The following OLFML1 variants were observed in gnomAD, a reference collection of about 807,000 sequenced individuals.
OLFML1 encodes the protein olfactomedin like 1.
OLFML1 carries 33 observed loss-of-function variants against 37.3 expected under a neutral mutation model. The observed-to-expected ratio is 0.88, with a 90% CI of 0.67 to 1.18. The LOEUF (loss-of-function observed/expected upper bound fraction) is 1.18, where lower values mean the gene tolerates loss of function less well. Ranked by LOEUF, OLFML1 falls within the 50% of genes most tolerant of loss-of-function variation. OLFML1 has a pLI of 0.00. For missense variants in OLFML1, 545 were observed against 483.7 expected (o/e 1.13, Z -1.19); for synonymous variants, 186 against 181.3 (o/e 1.03, Z -0.21).
At chr11:7,503,388 G>A (rs1220722085) in intron 2 of OLFML1, among the ~76,000 whole-genome samples, 1 of 152,180 alleles carries the variant, frequency 6.6e-6, no homozygotes, top group African/African-American at 2.4e-5. Context: ...GAATCAAGAA[G>A]AGAAAGAGTT....
At chr11:7,487,359 G>A (rs1848536059) in intron 1 of OLFML1, among the ~76,000 whole-genome samples, 1 of 152,176 alleles carries the variant, frequency 6.6e-6, no homozygotes, top group Non-Finnish European at 1.5e-5. Context: ...ATTATTTTGG[G>A]TCTCTCTTTC....
At chr11:7,487,807 A>G (rs1848542379) in intron 1 of OLFML1, among the ~76,000 whole-genome samples, 1 of 152,158 alleles carries the variant, frequency 6.6e-6, no homozygotes, top group Admixed American at 6.6e-5. Flanking sequence ...AAGTTATGGT[A>G]TAGGTATACT....
intron 1 of OLFML1, among the ~76,000 whole-genome samples, chr11:7,487,048 A>G (rs1202256761): frequency 6.6e-6 from 1 of 152,190 alleles, no homozygotes; most frequent in Non-Finnish European, 1.5e-5. Flanking sequence ...TGCATTTAGC[A>G]CCGACTTGCC....
chr11:7,504,462 G>A (rs1170259067), intron 2 of OLFML1, among the ~76,000 whole-genome samples: 1 of 152,036 alleles, frequency 6.6e-6, no homozygotes, highest in Non-Finnish European at 1.5e-5. Context: ...GCAGACACAG[G>A]ACATGATGTG....
In OLFML1 at chr11:7,485,957, G is replaced by C. The variant is rs1197710469; in HGVS notation, c.82G>C (p.Asp28His). The C allele has an allele frequency of 1.9e-6, 3 of 1,614,032 alleles. No homozygotes were observed. Among genetic ancestry groups the C allele is most frequent in the Admixed American group, 3.3e-5 (2 of 60,010 alleles). Residue 28 changes from aspartate to histidine, a missense_variant, in exon 1 of 3, where the codon GAC becomes CAC. Asp to His is a moderately conservative substitution (Grantham distance 81, BLOSUM62 -1). Transcript: ENST00000329293. The stretch of plus-strand genomic sequence containing the variant: ...TCTGCCCCCGCCGCAGTGTACCCAG[G>C]ACCCAGCCATGGTGCATTACATCTA... ...AFLPPPQCTQDPAMVHYIYQR... is the reference protein window; with the variant it reads ...AFLPPPQCTQHPAMVHYIYQR...
intron 2 of OLFML1, among the ~76,000 whole-genome samples, chr11:7,493,708 T>C (rs946168826): frequency 2.0e-4 from 30 of 152,224 alleles, no homozygotes; most frequent in Admixed American, 2.6e-4. Flanking sequence ...ATCTGAAAGG[T>C]CTGTGGGCTA....
At position 7,511,096 on chromosome 11, in the gene OLFML1, G is replaced by A. The variant is rs937402665; in HGVS notation, c.*908G>A. 4 of 152,284 alleles carry A rather than the reference G, an allele frequency of 2.6e-5. No individual in the cohort carries two copies. The highest frequency in any genetic ancestry group is 4.8e-5 in the African/African-American group (2 of 41,552). The allele number at this position is 152,284 out of a possible 1,614,324, so 9.4% of individuals were successfully genotyped here. On this transcript the variant is annotated 3_prime_UTR_variant, in exon 3 of 3. Transcript: ENST00000329293. The stretch of plus-strand genomic sequence containing the variant: ...CATTGCCCAAGGAAGCATCAAATAC[G>A]TATGTTTGTTCACCTACTCTTATAG...
At chr11:7,488,076 G>T in intron 1 of OLFML1, 51 bp from the exon 2 acceptor site, 1 of 1,282,546 alleles carries the variant, frequency 7.8e-7, no homozygotes, top group South Asian at 1.3e-5. Flanking sequence ...TATATTATTT[G>T]GGTAATTTAA....
Position 7,509,592 on chromosome 11 carries a change from C to T in OLFML1, c.613C>T (p.Arg205Trp), listed in dbSNP as rs777573573. 1.9e-5 allele frequency: 30 copies of T among 1,614,074 alleles called. No homozygotes were observed. The highest frequency in any genetic ancestry group is 4.4e-5 in the South Asian group (4 of 91,084). ...FMEDNTKPAP[R>W]KQILTLSWQG... ...GGAGGATAACACCAAGCCAGCTCCC[C>T]GGAAGCAAATCCTAACACTTTCCTG... The change falls in exon 3 of 3, where the codon CGG (arginine) becomes TGG (tryptophan). Residue 205 changes from arginine to tryptophan, a missense_variant. Transcript: ENST00000329293.
chr11:7,505,838 T>TCA lies in OLFML1; in HGVS notation c.419-3560_419-3559insCA, dbSNP rs11389945. Among the ~76,000 whole-genome samples the TCA allele has an allele frequency of 4.6e-4, 70 of 151,432 alleles. 1 individual carries two copies. In the East Asian group the frequency reaches 9.9e-3, roughly 21 times the overall value. On this transcript the variant is annotated intron_variant, in intron 2 of 2. Transcript: ENST00000329293. ...AGAGTAAAAACCTGTCTCACCTGTCTTAAAAAAAATGTCCAAAATTAGAAC... is the reference window on the plus strand; with the variant it reads ...AGAGTAAAAACCTGTCTCACCTGTCTCATAAAAAAAATGTCCAAAATTAGAAC...
intron 2 of OLFML1, among the ~76,000 whole-genome samples, chr11:7,504,420 G>A (rs983784540): frequency 2.0e-5 from 3 of 152,078 alleles, no homozygotes; most frequent in African/African-American, 7.2e-5. Flanking sequence ...ATTTCACTCT[G>A]AGTGAAATGA....
intron 2 of OLFML1, among the ~76,000 whole-genome samples, chr11:7,492,150 C>T (rs368884228): frequency 6.6e-5 from 10 of 152,266 alleles, no homozygotes; most frequent in African/African-American, 2.4e-4. Context: ...AGAAATCTGC[C>T]TATCACAATG....
At chr11:7,497,590 C>A (rs1364417788) in intron 2 of OLFML1, among the ~76,000 whole-genome samples, 1 of 152,170 alleles carries the variant, frequency 6.6e-6, no homozygotes, top group Non-Finnish European at 1.5e-5. Context: ...AGCTTCCACA[C>A]CCTCCACTGA....
chr11:7,510,128 G>T lies in OLFML1; in HGVS notation c.1149G>T (p.Trp383Cys), dbSNP rs1193471979. 1 of 1,613,740 alleles carries T rather than the reference G, an allele frequency of 6.2e-7. No homozygotes were observed. Among genetic ancestry groups the T allele is most frequent in the Admixed American group, 1.7e-5 (1 of 60,024 alleles). Reference sequence around the variant, plus strand: ...CCAGAGATAAGCAGCTCTATGCCTGGAATGAAGGAAACCAGATCATTTACA... The same window carrying T: ...CCAGAGATAAGCAGCTCTATGCCTGTAATGAAGGAAACCAGATCATTTACA... Reference protein sequence around the residue: ...YNPRDKQLYAWNEGNQIIYKL... With the variant: ...YNPRDKQLYACNEGNQIIYKL... Residue 383 changes from tryptophan (W) to cysteine (C), a missense_variant, in exon 3 of 3, where the codon TGG becomes TGT. Trp to Cys is a radical substitution (Grantham distance 215). Coordinates refer to ENST00000329293, the MANE Select transcript of OLFML1 (RefSeq NM_198474.4).
At position 7,500,457 on chromosome 11, in the gene OLFML1, T is replaced by C. The variant is rs528768915; in HGVS notation, c.419-8941T>C. Among the ~76,000 whole-genome samples the C allele has an allele frequency of 3.3e-5, 5 of 152,230 alleles. No homozygotes were observed. The South Asian group carries it at 1.0e-3, about 32-fold the overall frequency. ...CACATACATACACGTCACCATGCCC[T>C]TGGGGCTGGCTGGAGGGGTCCTGAC... On this transcript the variant is annotated intron_variant, in intron 2 of 2. Transcript: ENST00000329293.
intron 2 of OLFML1, among the ~76,000 whole-genome samples, chr11:7,501,636 C>T (rs1022689412): frequency 6.6e-6 from 1 of 152,218 alleles, no homozygotes; most frequent in Non-Finnish European, 1.5e-5. Context: ...GGGTTGCTCC[C>T]ACCCCCACTT....
intron 2 of OLFML1, among the ~76,000 whole-genome samples, chr11:7,494,747 G>C (rs1474480441): frequency 9.2e-5 from 14 of 152,202 alleles, no homozygotes; most frequent in Non-Finnish European, 1.9e-4. Flanking sequence ...CTCCAGGACT[G>C]CCAGGGAGGC....
intron 2 of OLFML1, among the ~76,000 whole-genome samples, chr11:7,494,568 G>T (rs1848638757): frequency 6.6e-6 from 1 of 152,240 alleles, no homozygotes; most frequent in South Asian, 2.1e-4. Flanking sequence ...CAGACAGGCT[G>T]GGTCCTGCAC....
At chr11:7,508,822 T>C (rs148463965) in intron 2 of OLFML1, among the ~76,000 whole-genome samples, 26 of 152,322 alleles carry the variant, frequency 1.7e-4, no homozygotes, top group Middle Eastern at 3.4e-3. Flanking sequence ...TCTGGAAACA[T>C]TGTAACCTAA....
Sources: allele counts gnomAD v4.1 joint callset (sites outside exome capture counted in the v4.1 genomes callset), GRCh38; gene constraint gnomAD v4.1.1; transcripts MANE v1.5; gene names NCBI Gene and HGNC (gene_info 2026-07-23, HGNC 2026-07-21).